The following CRNKL1 variants were observed in gnomAD, a reference collection of about 807,000 sequenced individuals.
The protein encoded by CRNKL1 is crooked neck-like protein 1.
A neutral mutation model predicts 103.7 loss-of-function variants in CRNKL1; 35 were observed. That is an observed-to-expected ratio of 0.34 (90% CI 0.26 to 0.45). The LOEUF (loss-of-function observed/expected upper bound fraction) is 0.45, where lower values mean the gene tolerates loss of function less well. Ranked by LOEUF, CRNKL1 falls within the 20% of genes least tolerant of loss-of-function variation. The pLI is 1.00. For synonymous variants in CRNKL1, 267 were observed against 282.6 expected, an observed-to-expected ratio of 0.94 and a Z score of 0.55; for missense variants, 645 against 836.0, an observed-to-expected ratio of 0.77 and a Z score of 2.82.
chr20:20,053,415 C>T (rs2043932900), upstream of CRNKL1, among the ~76,000 whole-genome samples: 1 of 152,154 alleles, frequency 6.6e-6, no homozygotes, highest in South Asian at 2.1e-4. Context: ...CAATCTTGAA[C>T]CTACATTGAC....
At position 20,036,199 on chromosome 20, in the gene CRNKL1, G is replaced by T; in HGVS notation, c.2060C>A (p.Ser687Tyr). 1 of 1,613,656 alleles carries T rather than the reference G, an allele frequency of 6.2e-7. No individual in the cohort carries two copies. The highest frequency in any genetic ancestry group is 1.1e-5 in the South Asian group (1 of 90,976). Residue 687 changes from serine to tyrosine, a missense_variant, in exon 14 of 14, where the codon TCC becomes TAC. Physicochemically the swap from Ser to Tyr is moderately radical, Grantham distance 144. This residue lies in a region of CRNKL1 where 582 missense variants were observed against 707.7 expected (regional missense o/e 0.82). Coordinates refer to ENST00000536226, the MANE Select transcript of CRNKL1 (RefSeq NM_001278628.2). ...CATTTGTCTATGAAAAAAAGATCAG[G>T]ATTCACTCTCATCGACGTCCTCATC... ...HPDEDVDESE[S>Y]
upstream of CRNKL1, among the ~76,000 whole-genome samples, chr20:20,053,377 A>G (rs1346140708): frequency 6.6e-6 from 1 of 152,248 alleles, no homozygotes; most frequent in Admixed American, 6.5e-5. Context: ...TCTTAAAAAT[A>G]TCCTCCACCA....
In CRNKL1 at chr20:20,038,468, ATGGGTCAGTCT is replaced by A; in HGVS notation, c.1546-29_1546-19del. On this transcript the variant is annotated intron_variant, in intron 11 of 13. Transcript: ENST00000536226. Reference sequence around the variant, plus strand: ...CAAAGCACCTAAGGAAGAAAAGTAAATGGGTCAGTCTTGACATTTACAAAGCAGCATGCCCC... The same window carrying A: ...CAAAGCACCTAAGGAAGAAAAGTAAATGACATTTACAAAGCAGCATGCCCC... The A allele has an allele frequency of 6.9e-7, 1 of 1,445,184 alleles. No individual in the cohort carries two copies. Among genetic ancestry groups the A allele is most frequent in the South Asian group, 1.2e-5 (1 of 81,854 alleles). 89.5% of individuals were successfully genotyped at this position (1,445,184 alleles called of 1,614,324 possible).
intron 12 of CRNKL1, among the ~76,000 whole-genome samples, chr20:20,038,080 C>T (rs1477495059): frequency 6.7e-6 from 1 of 149,202 alleles, no homozygotes; most frequent in Non-Finnish European, 1.5e-5. Flanking sequence ...AGCAAGACTC[C>T]GTCTCAAAAA....
intron 10 of CRNKL1, 62 bp from the exon 11 acceptor site, chr20:20,039,910 G>A: frequency 1.9e-6 from 3 of 1,551,522 alleles, no homozygotes; most frequent in East Asian, 4.5e-5. Context: ...TGCAGTTATT[G>A]CACTGCCCTA....
chr20:20,044,631 T>A (rs764148981), intron 6 of CRNKL1, among the ~76,000 whole-genome samples: 1 of 152,190 alleles, frequency 6.6e-6, no homozygotes, highest in Non-Finnish European at 1.5e-5. Flanking sequence ...ACTCCCTTTT[T>A]TTTTAAGAAA....
upstream of CRNKL1, chr20:20,055,978 CCTT>C: frequency 6.2e-7 from 1 of 1,610,598 alleles, no homozygotes; most frequent in South Asian, 1.1e-5. Context: ...CCCAAAGTGT[CCTT>C]CTGGAACGTT....
intron 2 of CRNKL1, 104 bp from the exon 3 acceptor site, chr20:20,049,535 C>A (rs2043651474): frequency 3.2e-6 from 2 of 622,564 alleles, no homozygotes; most frequent in Non-Finnish European, 2.8e-6. Context: ...TCATTTTGTT[C>A]ATATTTAAGA....
upstream of CRNKL1, among the ~76,000 whole-genome samples, chr20:20,054,023 T>G (rs950028241): frequency 2.4e-5 from 3 of 122,466 alleles, no homozygotes; most frequent in Non-Finnish European, 5.2e-5. Context: ...GTTTTTTTTT[T>G]TTTTTTTTTT....
upstream of CRNKL1, among the ~76,000 whole-genome samples, chr20:20,055,469 A>G (rs1046920404): frequency 2.0e-5 from 3 of 152,148 alleles, no homozygotes; most frequent in Admixed American, 6.5e-5. Flanking sequence ...AGGTAGATGC[A>G]TGGTTTAATT....
intron 1 of CRNKL1, among the ~76,000 whole-genome samples, chr20:20,051,766 G>A (rs2043745950): frequency 6.6e-6 from 1 of 152,118 alleles, no homozygotes; most frequent in African/African-American, 2.4e-5. Flanking sequence ...ATTAACTTAT[G>A]ATACTATACT....
At chr20:20,038,481 G>T in intron 11 of CRNKL1, 31 bp from the exon 12 acceptor site, 1 of 1,319,522 alleles carries the variant, frequency 7.6e-7, no homozygotes, top group Non-Finnish European at 1.1e-6. Flanking sequence ...GGTCAGTCTT[G>T]ACATTTACAA....
chr20:20,046,542 C>T (rs1385856158), intron 5 of CRNKL1, among the ~76,000 whole-genome samples: 1 of 152,188 alleles, frequency 6.6e-6, no homozygotes, highest in African/African-American at 2.4e-5. Flanking sequence ...TGAACCACTG[C>T]TCCTAGGAGA....
At chr20:20,042,578 AGC>A in intron 7 of CRNKL1, 62 bp from the exon 8 acceptor site, 1 of 1,496,352 alleles carries the variant, frequency 6.7e-7, no homozygotes, top group Non-Finnish European at 9.0e-7. Flanking sequence ...TGCCAGGTTA[AGC>A]AAGCTGAAAA....
At chr20:20,047,407 T>C (rs2043610525) in intron 5 of CRNKL1, among the ~76,000 whole-genome samples, 1 of 152,230 alleles carries the variant, frequency 6.6e-6, no homozygotes, top group Non-Finnish European at 1.5e-5. Context: ...ATGCATAGGT[T>C]ACATGCAAAT....
At chr20:20,050,889 G>A (rs1047485561) in intron 1 of CRNKL1, among the ~76,000 whole-genome samples, 18 of 152,214 alleles carry the variant, frequency 1.2e-4, no homozygotes, top group African/African-American at 4.1e-4. Context: ...CCTTTTAGAT[G>A]AGTATAATAA....
At chr20:20,053,917 A>G (rs1018019840), upstream of CRNKL1, among the ~76,000 whole-genome samples, 2 of 151,934 alleles carry the variant, frequency 1.3e-5, no homozygotes, top group African/African-American at 4.8e-5. Context: ...AAAAGTACAA[A>G]CATGCTAGAA....
At chr20:20,040,655 G>C (rs752859788) in intron 10 of CRNKL1, 31 bp downstream of exon 10, 1 of 1,488,242 alleles carries the variant, frequency 6.7e-7, no homozygotes, top group Non-Finnish European at 9.3e-7. Flanking sequence ...CATAGAACTT[G>C]ATGAGACATC....
chr20:20,039,478 A>T, intron 11 of CRNKL1, 131 bp downstream of exon 11: 1 of 1,123,684 alleles, frequency 8.9e-7, no homozygotes. Context: ...GTACAAGCCT[A>T]ATCTGAGTAG....
Sources: gnomAD v4.1 joint callset for allele counts (sites outside exome capture counted in the v4.1 genomes callset) on GRCh38, gnomAD v4.1.1 for gene constraint, gnomAD v4.1.1 regional missense constraint, MANE v1.5 for transcripts, NCBI Gene and HGNC (gene_info 2026-07-23, HGNC 2026-07-21) for gene names.